The following AGFG1 variants were observed in gnomAD, a reference collection of about 807,000 sequenced individuals.
AGFG1 encodes ArfGAP with FG repeats 1.
In AGFG1, 10 loss-of-function variants were observed where a neutral mutation model predicts 60.6. The observed-to-expected ratio is 0.16, with a 90% CI of 0.10 to 0.28. AGFG1 has a LOEUF of 0.28. Among genes scored for constraint, AGFG1 ranks in the 10% least tolerant of loss-of-function variants. The pLI is 1.00. For synonymous variants in AGFG1, 247 were observed against 242.9 expected (o/e 1.02, Z -0.16); for missense variants, 537 against 676.5 (o/e 0.79, Z 2.29).
chr2:227,520,634 G>A, intron 3 of AGFG1, among the ~76,000 whole-genome samples: 1 of 152,108 alleles, frequency 6.6e-6, no homozygotes, highest in South Asian at 2.1e-4. Context: ...ATTCCAACAG[G>A]TTGTACATAT....
intron 7 of AGFG1, among the ~76,000 whole-genome samples, chr2:227,533,974 C>T (rs1002748734): frequency 6.6e-6 from 1 of 152,110 alleles, no homozygotes; most frequent in African/African-American, 2.4e-5. Flanking sequence ...TGTAAACTTT[C>T]AGTCTTACTA....
At position 227,557,646 on chromosome 2, in the gene AGFG1, C is replaced by A; in HGVS notation, c.*3151C>A. ...ACTAATAACTTGCTAACATAAATAC[C>A]ATTTTTGATAAAAATAACTTTTCCA... On this transcript the variant is annotated 3_prime_UTR_variant, in exon 13 of 13. Coordinates refer to ENST00000310078, the MANE Select transcript of AGFG1 (RefSeq NM_004504.5). 1 of 152,224 alleles carries A rather than the reference C, an allele frequency of 6.6e-6. No homozygotes were observed. Among genetic ancestry groups the A allele is most frequent in the East Asian group, 1.9e-4 (1 of 5,188 alleles). The allele number at this position is 152,224 out of a possible 1,614,324, so 9.4% of individuals were successfully genotyped here.
intron 10 of AGFG1, among the ~76,000 whole-genome samples, chr2:227,545,356 C>T (rs1692613438): frequency 6.6e-6 from 1 of 152,136 alleles, no homozygotes; most frequent in Admixed American, 6.5e-5. Flanking sequence ...GTTTGCCATT[C>T]GTCTAATCTT....
At chr2:227,474,035 A>G (rs2106146702) in intron 1 of AGFG1, among the ~76,000 whole-genome samples, 1 of 152,302 alleles carries the variant, frequency 6.6e-6, no homozygotes, top group East Asian at 1.9e-4. Context: ...GCTCATGGTT[A>G]CTTTTAGGCT....
chr2:227,474,193 T>TA (rs1468630378), intron 1 of AGFG1, among the ~76,000 whole-genome samples: 3 of 152,232 alleles, frequency 2.0e-5, no homozygotes, highest in African/African-American at 7.2e-5. Context: ...AGTTGTTACT[T>TA]ACGTTGGACA....
intron 1 of AGFG1, among the ~76,000 whole-genome samples, chr2:227,480,428 C>G (rs1690423380): frequency 6.6e-6 from 1 of 151,856 alleles, no homozygotes; most frequent in Admixed American, 6.6e-5. Flanking sequence ...GAGATGGAGT[C>G]TCACTCCATC....
intron 2 of AGFG1, among the ~76,000 whole-genome samples, chr2:227,496,121 A>AG (rs1559172645): frequency 1.4e-5 from 2 of 142,966 alleles, no homozygotes; most frequent in African/African-American, 5.2e-5. Context: ...AAAAAAAAAA[A>AG]AAAGAAAAAA....
intron 10 of AGFG1, among the ~76,000 whole-genome samples, chr2:227,548,306 T>C (rs1692714106): frequency 6.6e-6 from 1 of 152,198 alleles, no homozygotes; most frequent in South Asian, 2.1e-4. Flanking sequence ...AAAGAATCAT[T>C]GAATTCTGTA....
rs532264475 is a variant in AGFG1 at position 227,484,237 on chromosome 2, G to A, written c.168-7310G>A. Reference sequence around the variant, plus strand: ...GGAGTTTTACTCTGTGGCCCAGGCTGGAGTGCAGTGGCGTGATCTCGGCTC... The same window carrying A: ...GGAGTTTTACTCTGTGGCCCAGGCTAGAGTGCAGTGGCGTGATCTCGGCTC... On this transcript the variant is annotated intron_variant, in intron 1 of 12. Transcript: ENST00000310078. 7.4e-4 allele frequency among the ~76,000 whole-genome samples: 112 copies of A among 152,194 alleles called. 1 individual carries two copies. Among genetic ancestry groups the A allele is most frequent in the African/African-American group, 2.4e-3 (98 of 41,510 alleles).
intron 5 of AGFG1, among the ~76,000 whole-genome samples, chr2:227,530,333 A>G (rs1692122669): frequency 6.6e-6 from 1 of 152,178 alleles, no homozygotes; most frequent in Admixed American, 6.6e-5. Context: ...TTCATTCTGC[A>G]GCACTTATAA....
intron 2 of AGFG1, among the ~76,000 whole-genome samples, chr2:227,493,691 C>G (rs1170595884): frequency 6.6e-6 from 1 of 152,222 alleles, no homozygotes; most frequent in Admixed American, 6.5e-5. Context: ...ATGACAATCA[C>G]TGTCACTGTG....
intron 1 of AGFG1, among the ~76,000 whole-genome samples, chr2:227,482,997 T>C (rs1690516114): frequency 2.1e-5 from 2 of 95,006 alleles, no homozygotes; most frequent in Non-Finnish European, 4.6e-5. Context: ...TTTTTTTTTT[T>C]GCACAAAACT....
chr2:227,493,427 T>A (rs1690877903), intron 2 of AGFG1, among the ~76,000 whole-genome samples: 2 of 152,208 alleles, frequency 1.3e-5, no homozygotes, highest in Non-Finnish European at 2.9e-5. Context: ...CTTCTGTGAT[T>A]GGCATATTTA....
At chr2:227,512,666 G>A (rs986917244) in intron 2 of AGFG1, among the ~76,000 whole-genome samples, 10 of 152,106 alleles carry the variant, frequency 6.6e-5, no homozygotes, top group African/African-American at 2.4e-4. Flanking sequence ...GGTATTTACT[G>A]TTTGTTAATA....
rs1219350844 is a variant in AGFG1 at position 227,530,459 on chromosome 2, T to G, written c.695-632T>G. ...TTCTATTAATGTTTGGGGCTCTGAA[T>G]TATATGCTATAATTTCTATGCTAGC... On this transcript the variant is annotated intron_variant, in intron 5 of 12. Coordinates refer to ENST00000310078, the MANE Select transcript of AGFG1 (RefSeq NM_004504.5). Among the ~76,000 whole-genome samples the G allele has an allele frequency of 2.0e-5, 3 of 152,320 alleles. No individual in the cohort carries two copies. The East Asian group carries it at 5.8e-4, about 29-fold the overall frequency.
intron 6 of AGFG1, among the ~76,000 whole-genome samples, chr2:227,532,952 A>G (rs1052699471): frequency 6.6e-6 from 1 of 152,162 alleles, no homozygotes; most frequent in Non-Finnish European, 1.5e-5. Flanking sequence ...CTTGAACTAT[A>G]TGGTACGGCA....
chr2:227,476,324 G>T (rs901661937), intron 1 of AGFG1, among the ~76,000 whole-genome samples: 1 of 152,064 alleles, frequency 6.6e-6, no homozygotes, highest in Non-Finnish European at 1.5e-5. Flanking sequence ...AGTAAAAATG[G>T]CCTTCATGTT....
At chr2:227,481,395 G>A (rs1690458512) in intron 1 of AGFG1, among the ~76,000 whole-genome samples, 1 of 152,050 alleles carries the variant, frequency 6.6e-6, no homozygotes, top group Non-Finnish European at 1.5e-5. Context: ...GTGGGAGTAT[G>A]CTTTTGGCTG....
intron 10 of AGFG1, among the ~76,000 whole-genome samples, chr2:227,545,565 C>G (rs1478688846): frequency 1.3e-5 from 2 of 152,182 alleles, no homozygotes; most frequent in East Asian, 3.8e-4. Context: ...AATTTTCAGC[C>G]TTTCTGCTCT....
Sources: gnomAD v4.1 joint callset for allele counts (sites outside exome capture counted in the v4.1 genomes callset) on GRCh38, gnomAD v4.1.1 for gene constraint, MANE v1.5 for transcripts, NCBI Gene and HGNC (gene_info 2026-07-23, HGNC 2026-07-21) for gene names.